The following COL17A1 variants were observed in gnomAD, a reference collection of about 807,000 sequenced individuals.
COL17A1 encodes the protein collagen alpha-1(XVII) chain.
COL17A1 carries 181 observed loss-of-function variants against 218.4 expected under a neutral mutation model. That is an observed-to-expected ratio of 0.83 (90% CI 0.73 to 0.94). The LOEUF is 0.94. COL17A1 is among the 40% of genes least tolerant of loss of function. The probability of loss-of-function intolerance (pLI) is 0.00; values close to 1 mark genes in which losing one functional copy is unlikely to be tolerated. For synonymous variants in COL17A1, 721 were observed against 731.0 expected, an observed-to-expected ratio of 0.99 and a Z score of 0.22; for missense variants, 1,924 against 1,945.9, an observed-to-expected ratio of 0.99 and a Z score of 0.21.
intron 52 of COL17A1, among the ~76,000 whole-genome samples, chr10:104,033,701 C>CT (rs1273537996): frequency 6.6e-6 from 1 of 151,920 alleles, no homozygotes; most frequent in Non-Finnish European, 1.5e-5. Flanking sequence ...CCAGAACGAG[C>CT]TAGGTGTTGG....
rs1554849247 is a variant in COL17A1 at position 104,055,444 on chromosome 10, T to TCACACACA, written c.1688-51_1688-44dup. The TCACACACA allele has an allele frequency of 1.4e-3, 1,637 of 1,130,812 alleles. 6 individuals carry two copies. Among genetic ancestry groups the TCACACACA allele is most frequent in the African/African-American group, 7.7e-3 (475 of 61,762 alleles). The allele number at this position is 1,130,812 out of a possible 1,614,324, so 70.0% of individuals were successfully genotyped here. A position where few individuals can be genotyped will look rare whatever the true frequency, so the allele number is the denominator to read the frequency against. ...TCCTGAGTCAGCTTCACATCTCCTG[T>TCACACACA]CACACACACACACACACACACACAC... On this transcript the variant is annotated intron_variant, in intron 18 of 55. Coordinates refer to ENST00000648076, the MANE Select transcript of COL17A1 (RefSeq NM_000494.4).
chr10:104,043,707 C>G (rs1207779685), intron 34 of COL17A1, 118 bp downstream of exon 34: 1 of 1,511,202 alleles, frequency 6.6e-7, no homozygotes, highest in Non-Finnish European at 9.2e-7. Flanking sequence ...TTTCCCTCCT[C>G]CCCCGCTACT....
chr10:104,035,019 G>C (rs1215749251), intron 50 of COL17A1, among the ~76,000 whole-genome samples: 1 of 152,160 alleles, frequency 6.6e-6, no homozygotes, highest in Non-Finnish European at 1.5e-5. Flanking sequence ...CAGTCACTGA[G>C]AGGTGGAGCC....
chr10:104,063,471 G>C (rs538461496), intron 11 of COL17A1: 1 of 487,888 alleles, frequency 2.0e-6, no homozygotes, highest in Non-Finnish European at 3.8e-6. Flanking sequence ...CGATGATTCC[G>C]TTAGACCCTT....
chr10:104,065,368 A>G (rs561606434), intron 9 of COL17A1, among the ~76,000 whole-genome samples: 1 of 152,220 alleles, frequency 6.6e-6, no homozygotes, highest in African/African-American at 2.4e-5. Flanking sequence ...ACCTCCCTCC[A>G]CGGCTCTGCT....
chr10:104,073,559 T>A (rs1367675361), intron 6 of COL17A1, among the ~76,000 whole-genome samples: 3 of 152,240 alleles, frequency 2.0e-5, no homozygotes, highest in Non-Finnish European at 2.9e-5. Flanking sequence ...CTGACTACAC[T>A]GATCAAATGT....
rs2086547369 is a variant in COL17A1, at chr10:104,058,005, C to A, written c.1267+141G>T. On this transcript the variant is annotated intron_variant, in intron 16 of 55. Coordinates refer to ENST00000648076, the MANE Select transcript of COL17A1 (RefSeq NM_000494.4). ...CCCCTGACCCCCACCCTGCTCCCTTCTGAGCCTTTAGGGAAACTCTTTAGA... is the reference window on the plus strand; with the variant it reads ...CCCCTGACCCCCACCCTGCTCCCTTATGAGCCTTTAGGGAAACTCTTTAGA... 3.1e-6 allele frequency: 4 copies of A among 1,309,764 alleles called. No homozygotes were observed. The Admixed American group carries it at 8.1e-5, about 26-fold the overall frequency. The allele number at this position is 1,309,764 out of a possible 1,614,324, so 81.1% of individuals were successfully genotyped here.
At chr10:104,075,932 A>G (rs1410350040) in intron 5 of COL17A1, among the ~76,000 whole-genome samples, 1 of 152,230 alleles carries the variant, frequency 6.6e-6, no homozygotes, top group East Asian at 1.9e-4. Flanking sequence ...GATAATCTCC[A>G]TCTACTTTAT....
At chr10:104,044,899 T>C (rs2086394441) in intron 33 of COL17A1, among the ~76,000 whole-genome samples, 1 of 152,122 alleles carries the variant, frequency 6.6e-6, no homozygotes, top group African/African-American at 2.4e-5. Context: ...TAAACTCAGT[T>C]ATCATTATTT....
chr10:104,059,136 G>C (rs2086558472), intron 15 of COL17A1, among the ~76,000 whole-genome samples: 1 of 152,152 alleles, frequency 6.6e-6, no homozygotes, highest in African/African-American at 2.4e-5. Flanking sequence ...TTGTTAAAGT[G>C]ATAACTGATT....
At chr10:104,070,682 C>T in intron 8 of COL17A1, 113 bp from the exon 9 acceptor site, 1 of 1,604,068 alleles carries the variant, frequency 6.2e-7, no homozygotes, top group East Asian at 2.2e-5. Context: ...TGGCATCTGC[C>T]TCACACATTG....
Position 104,080,653 on chromosome 10 carries a change from GT to G in COL17A1, c.20del (p.Asn7ThrfsTer17), listed in dbSNP as rs2086756873. ...CAGTGACTTCAGTTCCATCTCGTTT[GT>G]TTTTCTTGGTTACATCCATACCATA... MDVTKK[N>X]KRDGTEVTER... On this transcript the variant is annotated frameshift_variant, in exon 2 of 56. Coordinates refer to ENST00000648076, the MANE Select transcript of COL17A1 (RefSeq NM_000494.4). LOFTEE classifies it high-confidence loss of function. The G allele has an allele frequency of 6.2e-7, 1 of 1,613,018 alleles. No homozygotes were observed. The highest frequency in any genetic ancestry group is 8.5e-7 in the Non-Finnish European group (1 of 1,179,962).
chr10:104,073,337 T>G, intron 6 of COL17A1, 92 bp from the exon 7 acceptor site: 2 of 1,131,402 alleles, frequency 1.8e-6, no homozygotes, highest in Non-Finnish European at 2.7e-6. Context: ...GGGGAGGGGT[T>G]ACTTTCATAG....
intron 5 of COL17A1, among the ~76,000 whole-genome samples, chr10:104,076,047 A>G (rs1019644200): frequency 1.1e-4 from 16 of 152,260 alleles, no homozygotes; most frequent in Non-Finnish European, 2.4e-4. Context: ...CATTCTACAC[A>G]GTGTTAAACG....
Position 104,057,001 on chromosome 10 carries a change from CCCAGGAGTAGCAG to C in COL17A1, c.1426_1438del (p.Leu476GlyfsTer13). ...CAGAGCAATGAGGCCGAAGAGCAGC[CCCAGGAGTAGCAG>C]CCAGGTGAGCAGCAGGCCCAGCAGC... On this transcript the variant is annotated frameshift_variant, in exon 17 of 56. Transcript: ENST00000648076. LOFTEE classifies it high-confidence loss of function. 5 of 1,587,202 alleles carry C rather than the reference CCCAGGAGTAGCAG, an allele frequency of 3.2e-6. No homozygotes were observed. The highest frequency in any genetic ancestry group is 4.3e-6 in the Non-Finnish European group (5 of 1,167,202).
intron 16 of COL17A1, 64 bp downstream of exon 16, chr10:104,058,082 G>T (rs2086547940): frequency 1.2e-6 from 2 of 1,607,434 alleles, no homozygotes; most frequent in Admixed American, 1.7e-5. Flanking sequence ...ACCATCATCT[G>T]GTCCATTAGC....
intron 1 of COL17A1, among the ~76,000 whole-genome samples, chr10:104,082,367 G>A (rs937343575): frequency 2.6e-5 from 4 of 152,136 alleles, no homozygotes; most frequent in Non-Finnish European, 5.9e-5. Context: ...GGACACCTTT[G>A]CAATCCTTTG....
chr10:104,054,059 T>C (rs1589566831), intron 21 of COL17A1, 33 bp downstream of exon 21: 1 of 1,613,712 alleles, frequency 6.2e-7, no homozygotes, highest in Non-Finnish European at 8.5e-7. Context: ...GCTGCAACAC[T>C]GGCAGGCCTG....
chr10:104,054,132 G>A lies in COL17A1; in HGVS notation c.1745-14C>T. ...ACCCTCGATCTCCTGCAGGAACAAAGGCAAAAGAGAGAGTGGTCAGCCAGA... is the reference window on the plus strand; with the variant it reads ...ACCCTCGATCTCCTGCAGGAACAAAAGCAAAAGAGAGAGTGGTCAGCCAGA... On this transcript the variant is annotated splice_polypyrimidine_tract_variant and intron_variant, in intron 20 of 55. Transcript: ENST00000648076. 8 of 1,603,900 alleles carry A rather than the reference G, an allele frequency of 5.0e-6. No individual in the cohort carries two copies. The highest frequency in any genetic ancestry group is 6.8e-6 in the Non-Finnish European group (8 of 1,175,246).
Sources: allele counts gnomAD v4.1 joint callset (sites outside exome capture counted in the v4.1 genomes callset), GRCh38; gene constraint gnomAD v4.1.1; transcripts MANE v1.5; gene names NCBI Gene and HGNC (gene_info 2026-07-23, HGNC 2026-07-21).